The following ZBTB16 variants were observed in gnomAD, a reference collection of about 807,000 sequenced individuals.
ZBTB16 encodes zinc finger and BTB domain-containing protein 16.
A neutral mutation model predicts 56.8 loss-of-function variants in ZBTB16; 8 were observed. That is an observed-to-expected ratio of 0.14 (90% CI 0.08 to 0.25). The LOEUF (loss-of-function observed/expected upper bound fraction) is 0.25, where lower values mean the gene tolerates loss of function less well. ZBTB16 is among the 10% of genes least tolerant of loss of function. The probability of loss-of-function intolerance (pLI) is 1.00; values close to 1 mark genes in which losing one functional copy is unlikely to be tolerated. For synonymous variants in ZBTB16, 363 were observed against 368.5 expected (o/e 0.98, Z 0.17); for missense variants, 625 against 903.0 (o/e 0.69, Z 3.95).
intron 4 of ZBTB16, among the ~76,000 whole-genome samples, chr11:114,205,038 T>G (rs1180294318): frequency 6.6e-6 from 1 of 151,962 alleles, no homozygotes; most frequent in Non-Finnish European, 1.5e-5. Flanking sequence ...CTCCATACAT[T>G]AAGTATCCCA....
chr11:114,063,809 G>A lies in ZBTB16; in HGVS notation c.509G>A (p.Ser170Asn). ...TCCAGCGAGGAGAGTGGGTATGCCAGTGTGGCTGGACAGAGCCTCCCTGGG... is the reference window on the plus strand; with the variant it reads ...TCCAGCGAGGAGAGTGGGTATGCCAATGTGGCTGGACAGAGCCTCCCTGGG... The part of the protein sequence containing the change: ...KHSSEESGYA[S>N]VAGQSLPGPM... The change falls in exon 2 of 7, where the codon AGT becomes AAT. Residue 170 changes from serine (S) to asparagine (N), a missense_variant. By Grantham distance (46) the Ser-to-Asn change is conservative (BLOSUM62 1). Transcript: ENST00000335953. The surrounding 1 kb of genome is among the most constrained non-coding windows in gnomAD (Gnocchi z 6.5). 3 of 1,614,196 alleles carry A rather than the reference G, an allele frequency of 1.9e-6. No homozygotes were observed. The highest frequency in any genetic ancestry group is 2.5e-6 in the Non-Finnish European group (3 of 1,180,034).
At chr11:114,199,256 G>A (rs562759381) in intron 4 of ZBTB16, among the ~76,000 whole-genome samples, 113 of 151,604 alleles carry the variant, frequency 7.5e-4, no homozygotes, top group Non-Finnish European at 1.1e-3. Context: ...CGGGGATGCC[G>A]GACATGGATG....
At chr11:114,105,917 G>C (rs1417139896) in intron 2 of ZBTB16, among the ~76,000 whole-genome samples, 1 of 152,176 alleles carries the variant, frequency 6.6e-6, no homozygotes. Flanking sequence ...TCTTCATTTA[G>C]CTTTTAATTG....
At chr11:114,203,656 C>T (rs1485013088) in intron 4 of ZBTB16, among the ~76,000 whole-genome samples, 1 of 136,842 alleles carries the variant, frequency 7.3e-6, no homozygotes, top group Admixed American at 8.4e-5. Flanking sequence ...AAATAAAAAA[C>T]AACTTCCAGG....
At position 114,250,199 on chromosome 11, in the gene ZBTB16, A is replaced by C. The variant is rs1329538392; in HGVS notation, c.1793-127A>C. The stretch of plus-strand genomic sequence containing the variant: ...TCTTGGGTGGTGCCTTCATTGTCCC[A>C]GAAAGTTCTGTTGGAGCAAGCCCAG... On this transcript the variant is annotated intron_variant, in intron 6 of 6. Coordinates refer to ENST00000335953, the MANE Select transcript of ZBTB16 (RefSeq NM_006006.6). This position sits in a 1 kb window ranked among gnomAD's most constrained non-coding sequence, Gnocchi z 6.0. The C allele has an allele frequency of 2.0e-5, 21 of 1,028,862 alleles. No homozygotes were observed. Among genetic ancestry groups the C allele is most frequent in the Non-Finnish European group, 3.0e-5 (20 of 671,672 alleles). The allele number at this position is 1,028,862 out of a possible 1,614,324, so 63.7% of individuals were successfully genotyped here.
intron 4 of ZBTB16, among the ~76,000 whole-genome samples, chr11:114,228,726 G>A (rs1013902794): frequency 1.3e-5 from 2 of 152,202 alleles, no homozygotes; most frequent in African/African-American, 2.4e-5. Flanking sequence ...TCCCCAGGCC[G>A]CCAGCCTGCT....
At chr11:114,092,105 C>A (rs1409366350) in intron 2 of ZBTB16, among the ~76,000 whole-genome samples, 1 of 152,170 alleles carries the variant, frequency 6.6e-6, no homozygotes, top group Non-Finnish European at 1.5e-5. Flanking sequence ...GCCAGAGGGG[C>A]AGGTCAAACA....
intron 3 of ZBTB16, among the ~76,000 whole-genome samples, chr11:114,165,662 C>T (rs761878079): frequency 2.0e-5 from 3 of 152,150 alleles, no homozygotes; most frequent in Non-Finnish European, 4.4e-5. Context: ...GTTAGAGCCT[C>T]TCCCAGGAAA....
chr11:114,067,058 C>T lies in ZBTB16; in HGVS notation c.1268+2490C>T, dbSNP rs146822194. 8.6e-3 allele frequency among the ~76,000 whole-genome samples: 1,302 copies of T among 152,150 alleles called. 20 individuals are homozygous for T. Among genetic ancestry groups the T allele is most frequent in the African/African-American group, 0.029 (1,217 of 41,436 alleles). On this transcript the variant is annotated intron_variant, in intron 2 of 6. Transcript: ENST00000335953. The stretch of plus-strand genomic sequence containing the variant: ...GTGCTGGGATTACAGCTGTGAGCCA[C>T]CCCGCCCGGCCTTCACTCACTTCTT...
intron 4 of ZBTB16, among the ~76,000 whole-genome samples, chr11:114,217,776 G>C (rs1282461252): frequency 6.6e-6 from 1 of 152,174 alleles, no homozygotes; most frequent in Non-Finnish European, 1.5e-5. Flanking sequence ...GTGGGGATGA[G>C]AGTTGGGGCA....
intron 1 of ZBTB16, among the ~76,000 whole-genome samples, chr11:114,062,663 T>C (rs1384725300): frequency 6.6e-6 from 1 of 152,188 alleles, no homozygotes; most frequent in African/African-American, 2.4e-5. Flanking sequence ...CCAGTGTCCA[T>C]AGATTTCTGT....
intron 2 of ZBTB16, among the ~76,000 whole-genome samples, chr11:114,147,893 G>T (rs1016760139): frequency 2.0e-5 from 3 of 152,152 alleles, no homozygotes; most frequent in Admixed American, 6.5e-5. Context: ...AGACCTTGTT[G>T]AAAGAGACTG....
intron 3 of ZBTB16, among the ~76,000 whole-genome samples, chr11:114,178,142 T>C (rs1046299291): frequency 6.6e-6 from 1 of 152,162 alleles, no homozygotes; most frequent in African/African-American, 2.4e-5. Flanking sequence ...GTGTTTTGGC[T>C]GGAGAGGTAA....
intron 3 of ZBTB16, among the ~76,000 whole-genome samples, chr11:114,177,010 T>C (rs1329326645): frequency 6.6e-6 from 1 of 152,156 alleles, no homozygotes; most frequent in Non-Finnish European, 1.5e-5. Context: ...CCCAGAGCTG[T>C]GGGACTGGAA....
intron 4 of ZBTB16, among the ~76,000 whole-genome samples, chr11:114,236,875 A>C (rs1944603259): frequency 6.6e-6 from 1 of 152,230 alleles, no homozygotes; most frequent in Non-Finnish European, 1.5e-5. Context: ...AAATAAATGC[A>C]ATACAGGGCT....
chr11:114,130,212 G>A (rs1488049515), intron 2 of ZBTB16, among the ~76,000 whole-genome samples: 1 of 152,202 alleles, frequency 6.6e-6, no homozygotes, highest in Non-Finnish European at 1.5e-5. Context: ...TGATCCCTGA[G>A]AAGACTGCAT....
chr11:114,239,064 A>G (rs1043285753), intron 4 of ZBTB16, among the ~76,000 whole-genome samples: 1 of 152,128 alleles, frequency 6.6e-6, no homozygotes, highest in Non-Finnish European at 1.5e-5. Context: ...GGCTGAATGG[A>G]CATGAAGTGG....
chr11:114,078,328 C>T (rs915025303), intron 2 of ZBTB16, among the ~76,000 whole-genome samples: 3 of 152,188 alleles, frequency 2.0e-5, no homozygotes, highest in African/African-American at 7.2e-5. Context: ...CCCACCCCTA[C>T]AAGTTGTTGG....
chr11:114,138,149 G>T (rs1941846073), intron 2 of ZBTB16, among the ~76,000 whole-genome samples: 1 of 152,170 alleles, frequency 6.6e-6, no homozygotes, highest in Non-Finnish European at 1.5e-5. Flanking sequence ...CCAGTCATGG[G>T]TTTAATGCAA....
Sources: allele counts gnomAD v4.1 joint callset (sites outside exome capture counted in the v4.1 genomes callset), GRCh38; gene constraint gnomAD v4.1.1; non-coding constraint Gnocchi (gnomAD v3.1); transcripts MANE v1.5; gene names NCBI Gene and HGNC (gene_info 2026-07-23, HGNC 2026-07-21).